SMARCAD1: variants seen among roughly 807,000 people sequenced by gnomAD.
SMARCAD1 encodes the protein SWI/SNF-related matrix-associated actin-dependent regulator of chromatin subfamily A containing DEAD/H box 1.
In SMARCAD1, 25 loss-of-function variants were observed where a neutral mutation model predicts 127.1. The ratio of observed to expected loss-of-function variants is 0.20; its 90% CI spans 0.14 to 0.27. The LOEUF is 0.27. SMARCAD1 is among the 10% of genes least tolerant of loss of function. The pLI is 1.00. For synonymous variants in SMARCAD1, 400 were observed against 396.9 expected, an observed-to-expected ratio of 1.01 and a Z score of -0.09; for missense variants, 807 against 1,206.0, an observed-to-expected ratio of 0.67 and a Z score of 4.90.
At chr4:94,260,836 ATAAT>A (rs933624533) in intron 9 of SMARCAD1, among the ~76,000 whole-genome samples, 25 of 152,328 alleles carry the variant, frequency 1.6e-4, no homozygotes, top group Admixed American at 4.6e-4. Flanking sequence ...CCAAATGACC[ATAAT>A]TAATTTATGC....
chr4:94,216,266 A>G (rs1386026180), intron 2 of SMARCAD1, among the ~76,000 whole-genome samples: 2 of 152,146 alleles, frequency 1.3e-5, no homozygotes, highest in Admixed American at 6.5e-5. Context: ...TAAGATTTCA[A>G]CATACCGTTT....
intron 2 of SMARCAD1, among the ~76,000 whole-genome samples, chr4:94,211,561 A>T (rs1742265018): frequency 6.6e-6 from 1 of 152,240 alleles, no homozygotes; most frequent in African/African-American, 2.4e-5. Flanking sequence ...TGTCAGGTCA[A>T]ACTAAGTCAG....
At chr4:94,279,706 G>C (rs938291987) in intron 19 of SMARCAD1, among the ~76,000 whole-genome samples, 8 of 152,082 alleles carry the variant, frequency 5.3e-5, no homozygotes, top group South Asian at 2.1e-4. Context: ...GGAACAGTTT[G>C]CTAACTCCTA....
At chr4:94,251,723 C>T (rs1749299291) in intron 8 of SMARCAD1, among the ~76,000 whole-genome samples, 1 of 152,114 alleles carries the variant, frequency 6.6e-6, no homozygotes, top group Non-Finnish European at 1.5e-5. Context: ...TAGATTGGTG[C>T]ATGTTTTCTC....
At chr4:94,226,486 T>A (rs928114087) in intron 3 of SMARCAD1, among the ~76,000 whole-genome samples, 190 bp downstream of exon 3, 7 of 146,038 alleles carry the variant, frequency 4.8e-5, no homozygotes, top group Middle Eastern at 3.2e-3. Flanking sequence ...GTACAATGTG[T>A]GTGTTTTCTG....
At chr4:94,215,281 A>G (rs1256750564) in intron 2 of SMARCAD1, among the ~76,000 whole-genome samples, 1 of 152,194 alleles carries the variant, frequency 6.6e-6, no homozygotes, top group African/African-American at 2.4e-5. Context: ...AGAAAGTACA[A>G]TAAGTACTCA....
chr4:94,230,427 A>G (rs1030058210), intron 3 of SMARCAD1, among the ~76,000 whole-genome samples: 2 of 152,148 alleles, frequency 1.3e-5, no homozygotes, highest in Non-Finnish European at 2.9e-5. Context: ...GCAACTCCAT[A>G]GTACTACATT....
At position 94,290,590 on chromosome 4, in the gene SMARCAD1, A is replaced by AAG. The variant is rs576574131; in HGVS notation, c.*1063_*1064dup. ...AGAATTTCCAGTACAGGACCGCCTG[A>AAG]AGAGAGAGCCATTGTTCAATTCCAA... On this transcript the variant is annotated 3_prime_UTR_variant, in exon 24 of 24. Coordinates refer to ENST00000354268, the MANE Select transcript of SMARCAD1 (RefSeq NM_020159.5). 8.8e-6 allele frequency: 4 copies of AAG among 454,530 alleles called. No homozygotes were observed. Among genetic ancestry groups the AAG allele is most frequent in the South Asian group, 1.6e-5 (1 of 64,470 alleles). 28.2% of individuals were successfully genotyped at this position (454,530 alleles called of 1,614,324 possible). A position where few individuals can be genotyped will look rare whatever the true frequency, so the allele number is the denominator to read the frequency against.
rs1749509371 is a variant in SMARCAD1 at position 94,252,999 on chromosome 4, G to A, written c.1273G>A (p.Glu425Lys). 1 of 1,612,370 alleles carries A rather than the reference G, an allele frequency of 6.2e-7. No homozygotes were observed. The highest frequency in any genetic ancestry group is 1.7e-5 in the Admixed American group (1 of 59,990). Residue 425 changes from glutamate (E) to lysine (K), a missense_variant, in exon 9 of 24, where the codon GAG becomes AAG. Around this residue, in one of 8 missense-constraint regions of SMARCAD1, gnomAD observed 257 missense variants for 303.4 expected, o/e 0.85. Transcript: ENST00000354268. ...ITELRPFNSW[E>K]ALFTKMSKTN... is the part of the protein sequence containing the mutation. Reference sequence around the variant, plus strand: ...AGAACTCCGGCCCTTTAATAGTTGGGAGGCTCTGGTAAGGCTTTATTCTTT... The same window carrying A: ...AGAACTCCGGCCCTTTAATAGTTGGAAGGCTCTGGTAAGGCTTTATTCTTT...
intron 9 of SMARCAD1, among the ~76,000 whole-genome samples, chr4:94,262,472 C>T (rs751598740): frequency 6.6e-6 from 1 of 152,162 alleles, no homozygotes; most frequent in East Asian, 1.9e-4. Flanking sequence ...TAGTTTTTTG[C>T]TCTCAAGCCT....
At chr4:94,259,784 A>G (rs1037263070) in intron 9 of SMARCAD1, among the ~76,000 whole-genome samples, 2 of 152,178 alleles carry the variant, frequency 1.3e-5, no homozygotes, top group African/African-American at 4.8e-5. Context: ...CACATCTCAG[A>G]CATCATTTTA....
At chr4:94,210,815 TC>T (rs1206157231) in intron 2 of SMARCAD1, among the ~76,000 whole-genome samples, 1 of 148,638 alleles carries the variant, frequency 6.7e-6, no homozygotes, top group Non-Finnish European at 1.5e-5. Context: ...GTGCCTGTAA[TC>T]CCTGCTGCTC....
chr4:94,249,811 A>G, intron 7 of SMARCAD1, 56 bp downstream of exon 7: 1 of 1,013,890 alleles, frequency 9.9e-7, no homozygotes, highest in Non-Finnish European at 1.6e-6. Context: ...TTTATTATAA[A>G]ATAGTGTTAA....
intron 4 of SMARCAD1, 65 bp downstream of exon 4, chr4:94,234,187 T>A: frequency 7.2e-7 from 1 of 1,389,238 alleles, no homozygotes; most frequent in Non-Finnish European, 1.0e-6. Flanking sequence ...AGTGCTATAG[T>A]TAGTAGTGGA....
At chr4:94,214,365 C>T (rs1742804906) in intron 2 of SMARCAD1, among the ~76,000 whole-genome samples, 1 of 151,138 alleles carries the variant, frequency 6.6e-6, no homozygotes, top group Non-Finnish European at 1.5e-5. Context: ...GGGTTCATGC[C>T]ATTCTTCTGC....
At chr4:94,209,267 T>C (rs527530362) in intron 2 of SMARCAD1, among the ~76,000 whole-genome samples, 1 of 152,338 alleles carries the variant, frequency 6.6e-6, no homozygotes, top group Admixed American at 6.5e-5. Context: ...TGATAAGTGC[T>C]TCACCTTCTG....
At chr4:94,289,409 G>C (rs1420784922) in intron 23 of SMARCAD1, 64 bp from the exon 24 acceptor site, 5 of 1,418,362 alleles carry the variant, frequency 3.5e-6, no homozygotes, top group African/African-American at 2.9e-5. Context: ...AAAAATAATT[G>C]AGACAATTTT....
intron 3 of SMARCAD1, among the ~76,000 whole-genome samples, chr4:94,232,014 A>G (rs1342423844): frequency 2.0e-5 from 3 of 152,028 alleles, no homozygotes; most frequent in Non-Finnish European, 2.9e-5. Context: ...GGCACCCGCC[A>G]CCATGCCAAG....
chr4:94,214,569 C>T (rs1400880768), intron 2 of SMARCAD1, among the ~76,000 whole-genome samples: 1 of 151,800 alleles, frequency 6.6e-6, no homozygotes, highest in African/African-American at 2.4e-5. Context: ...CCTGGCCAAG[C>T]GTTTGTTAAC....
Sources: allele counts gnomAD v4.1 joint callset (sites outside exome capture counted in the v4.1 genomes callset), GRCh38; gene constraint gnomAD v4.1.1; regional missense constraint gnomAD v4.1.1; transcripts MANE v1.5; gene names NCBI Gene and HGNC (gene_info 2026-07-23, HGNC 2026-07-21).